The following PCDHGA11 variants were observed in gnomAD, a reference collection of about 807,000 sequenced individuals.
PCDHGA11 encodes the protein protocadherin gamma-A11.
PCDHGA11 carries 39 observed loss-of-function variants against 60.4 expected under a neutral mutation model. The observed-to-expected ratio is 0.65, with a 90% CI of 0.50 to 0.84. The LOEUF (loss-of-function observed/expected upper bound fraction) is 0.84, where lower values mean the gene tolerates loss of function less well. PCDHGA11 is among the 40% of genes least tolerant of loss of function. The pLI is 0.00. For missense variants in PCDHGA11, 1,165 were observed against 1,197.7 expected, an observed-to-expected ratio of 0.97 and a Z score of 0.40; for synonymous variants, 533 against 510.3, an observed-to-expected ratio of 1.04 and a Z score of -0.60.
At chr5:141,445,312 T>C (rs1419229431) in intron 1 of PCDHGA11, among the ~76,000 whole-genome samples, 2 of 152,194 alleles carry the variant, frequency 1.3e-5, no homozygotes, top group African/African-American at 4.8e-5. Context: ...AGTTTGTAGG[T>C]TGAGAGAACC....
At chr5:141,510,814 C>T in intron 3 of PCDHGA11, 133 bp from the exon 4 acceptor site, 2 of 1,544,688 alleles carry the variant, frequency 1.3e-6, no homozygotes, top group East Asian at 4.6e-5. Context: ...TTGGTGACCC[C>T]TATATTCCCA....
At chr5:141,482,606 T>G (rs2099569173) in intron 1 of PCDHGA11, among the ~76,000 whole-genome samples, 1 of 146,712 alleles carries the variant, frequency 6.8e-6, no homozygotes, top group African/African-American at 2.6e-5. Context: ...AAAAAACACC[T>G]AAATGAGCCT....
At chr5:141,443,059 A>G (rs148799842) in intron 1 of PCDHGA11, among the ~76,000 whole-genome samples, 145 of 152,348 alleles carry the variant, frequency 9.5e-4, no homozygotes, top group African/African-American at 3.3e-3. Context: ...GTTCCACTGA[A>G]GAGCGTCTTA....
At chr5:141,468,924 C>G (rs1434433938) in intron 1 of PCDHGA11, among the ~76,000 whole-genome samples, 1 of 150,520 alleles carries the variant, frequency 6.6e-6, no homozygotes, top group Non-Finnish European at 1.5e-5. Context: ...GAGAATAGCA[C>G]TAAAATGGGA....
At chr5:141,450,565 C>T (rs1024229182) in intron 1 of PCDHGA11, among the ~76,000 whole-genome samples, 2 of 152,016 alleles carry the variant, frequency 1.3e-5, no homozygotes, top group Non-Finnish European at 2.9e-5. Context: ...CGGCTCACTG[C>T]AACTTCTGCC....
Position 141,505,441 on chromosome 5 carries a change from C to A in PCDHGA11, c.2541C>A (p.Asp847Glu), listed in dbSNP as rs2099846055. 6.2e-7 allele frequency: 1 copy of A among 1,614,084 alleles called. No individual in the cohort carries two copies. Among genetic ancestry groups the A allele is most frequent in the Non-Finnish European group, 8.5e-7 (1 of 1,180,024 alleles). Reference sequence around the variant, plus strand: ...GCACCTGGCCCAACAACCAGTTTGACACAGAGATGCTGCAAGCCATGATCT... The same window carrying A: ...GCACCTGGCCCAACAACCAGTTTGAAACAGAGATGCTGCAAGCCATGATCT... ...DTGTWPNNQFDTEMLQAMILA... is the reference protein window; with the variant it reads ...DTGTWPNNQFETEMLQAMILA... Residue 847 changes from aspartate to glutamate, a missense_variant, in exon 3 of 4, where the codon GAC becomes GAA. Transcript: ENST00000398587.
At chr5:141,507,833 G>C (rs1184502436) in intron 3 of PCDHGA11, among the ~76,000 whole-genome samples, 2 of 152,172 alleles carry the variant, frequency 1.3e-5, no homozygotes, top group East Asian at 3.9e-4. Flanking sequence ...GGAGGTGGTG[G>C]GTCAGGCCCT....
rs1023591745 is a variant in PCDHGA11 at position 141,432,912 on chromosome 5, G to T, written c.2433+9252G>T. 2.5e-6 allele frequency: 4 copies of T among 1,614,160 alleles called. No individual in the cohort carries two copies. Among genetic ancestry groups the T allele is most frequent in the Non-Finnish European group, 3.4e-6 (4 of 1,180,012 alleles). On this transcript the variant is annotated intron_variant, in intron 1 of 3. Transcript: ENST00000398587. The surrounding 1 kb of genome is among the most constrained non-coding windows in gnomAD (Gnocchi z 6.0). Reference sequence around the variant, plus strand: ...TTGCTGCTGGCGCTCAGGCTGCGGCGCTGGCACAAGTCACGCCTGCTGCAG... The same window carrying T: ...TTGCTGCTGGCGCTCAGGCTGCGGCTCTGGCACAAGTCACGCCTGCTGCAG...
In PCDHGA11 at chr5:141,491,679, T is replaced by G. The variant is rs111288145; in HGVS notation, c.2434-3128T>G. 1 of 1,613,496 alleles carries G rather than the reference T, an allele frequency of 6.2e-7. No individual in the cohort carries two copies. Among genetic ancestry groups the G allele is most frequent in the Non-Finnish European group, 8.5e-7 (1 of 1,179,828 alleles). On this transcript the variant is annotated intron_variant, in intron 1 of 3. Coordinates refer to ENST00000398587, the MANE Select transcript of PCDHGA11 (RefSeq NM_018914.3). The surrounding 1 kb of genome is among the most constrained non-coding windows in gnomAD (Gnocchi z 6.9). ...CTGACGCCATCCGGTCCCGCTCTAA[T>G]ACGCTGCGGGAGCGGAGCCAGGTGA...
Position 141,485,660 on chromosome 5 carries a change from G to A in PCDHGA11, c.2434-9147G>A. On this transcript the variant is annotated intron_variant, in intron 1 of 3. Transcript: ENST00000398587. The surrounding 1 kb of genome is among the most constrained non-coding windows in gnomAD (Gnocchi z 5.7). ...GGAAAAGGCTCAGGATGCAGATGTG[G>A]GGAGCAATTCGATTAGCAGCTATAG... is the stretch of plus-strand genomic sequence containing the variant. 1 of 1,612,716 alleles carries A rather than the reference G, an allele frequency of 6.2e-7. No individual in the cohort carries two copies. Among genetic ancestry groups the A allele is most frequent in the Non-Finnish European group, 8.5e-7 (1 of 1,178,898 alleles).
intron 1 of PCDHGA11, among the ~76,000 whole-genome samples, chr5:141,457,187 G>A (rs1314148733): frequency 1.3e-5 from 2 of 152,210 alleles, no homozygotes; most frequent in Admixed American, 1.3e-4. Flanking sequence ...ATAGTAGAGT[G>A]AGGAAAGCAG....
chr5:141,476,820 T>C lies in PCDHGA11; in HGVS notation c.2434-17987T>C, dbSNP rs368919360. 6.2e-7 allele frequency: 1 copy of C among 1,613,594 alleles called. No individual in the cohort carries two copies. Among genetic ancestry groups the C allele is most frequent in the African/African-American group, 1.3e-5 (1 of 75,066 alleles). The stretch of plus-strand genomic sequence containing the variant: ...AGCCTGCCTATTCACATCAAGGTGC[T>C]GGACGCGAATGACAATGCGCCTGTC... On this transcript the variant is annotated intron_variant, in intron 1 of 3. Transcript: ENST00000398587. This position sits in a 1 kb window ranked among gnomAD's most constrained non-coding sequence, Gnocchi z 7.6.
intron 1 of PCDHGA11, among the ~76,000 whole-genome samples, chr5:141,461,288 A>G (rs1049761514): frequency 2.0e-5 from 3 of 152,092 alleles, no homozygotes; most frequent in Admixed American, 1.3e-4. Flanking sequence ...CCCCACATCC[A>G]CACCAACATC....
At chr5:141,449,537 C>A (rs1377909573) in intron 1 of PCDHGA11, among the ~76,000 whole-genome samples, 1 of 146,334 alleles carries the variant, frequency 6.8e-6, no homozygotes, top group Non-Finnish European at 1.5e-5. Flanking sequence ...TGCAGTGAGC[C>A]GAGATCGCAC....
chr5:141,425,869 C>G (rs1376765137), intron 1 of PCDHGA11, among the ~76,000 whole-genome samples: 1 of 152,198 alleles, frequency 6.6e-6, no homozygotes, highest in Non-Finnish European at 1.5e-5. Flanking sequence ...TATAGATTCC[C>G]ATCTCTAAGG....
chr5:141,431,799 T>A lies in PCDHGA11; in HGVS notation c.2433+8139T>A. 6.2e-7 allele frequency: 1 copy of A among 1,614,228 alleles called. No homozygotes were observed. The highest frequency in any genetic ancestry group is 8.5e-7 in the Non-Finnish European group (1 of 1,180,036). On this transcript the variant is annotated intron_variant, in intron 1 of 3. Transcript: ENST00000398587. This position sits in a 1 kb window ranked among gnomAD's most constrained non-coding sequence, Gnocchi z 4.8. ...GACGTGAACGACAATGCCCCAGAAG[T>A]GGTCCTCACCTCTCTCGCCAGCTCG...
rs567174433 is a variant in PCDHGA11, at chr5:141,443,351, G to A, written c.2433+19691G>A. On this transcript the variant is annotated intron_variant, in intron 1 of 3. Coordinates refer to ENST00000398587, the MANE Select transcript of PCDHGA11 (RefSeq NM_018914.3). ...AAAACAAAAATTAACAAGGTTTAGT[G>A]GTCCATGCCTGTGGTCTCAGCTACT... 6.6e-5 allele frequency among the ~76,000 whole-genome samples: 10 copies of A among 152,072 alleles called. No homozygotes were observed. The South Asian group carries it at 2.1e-3, about 32-fold the overall frequency.
chr5:141,486,456 C>G lies in PCDHGA11; in HGVS notation c.2434-8351C>G. ...AGCTATGACATCATGGTCACTGCTT[C>G]TGATGCTGGGAACCCTCCTCTCAGT... is the stretch of plus-strand genomic sequence containing the variant. On this transcript the variant is annotated intron_variant, in intron 1 of 3. Transcript: ENST00000398587. The surrounding 1 kb of genome is among the most constrained non-coding windows in gnomAD (Gnocchi z 5.0). The G allele has an allele frequency of 1.9e-6, 3 of 1,614,052 alleles. No homozygotes were observed. In the South Asian group the frequency reaches 3.3e-5, roughly 18 times the overall value.
intron 1 of PCDHGA11, among the ~76,000 whole-genome samples, chr5:141,454,796 A>ATTTTTTTTTTTTTTTTTTTTTTTTTTT (rs61612330): frequency 3.9e-5 from 3 of 77,408 alleles, no homozygotes; most frequent in Admixed American, 1.8e-4. Flanking sequence ...CATGGTTCTA[A>ATTTTTTTTTTTTTTTTTTTTTTTTTTT]TTTTTTTTTT....
Sources: allele counts gnomAD v4.1 joint callset (sites outside exome capture counted in the v4.1 genomes callset), GRCh38; gene constraint gnomAD v4.1.1; non-coding constraint Gnocchi (gnomAD v3.1); transcripts MANE v1.5; gene names NCBI Gene and HGNC (gene_info 2026-07-23, HGNC 2026-07-21).